Variants in UBE4B observed in about 807,000 individuals in gnomAD.
The protein encoded by UBE4B is ubiquitination factor E4B.
UBE4B carries 27 observed loss-of-function variants against 148.1 expected under a neutral mutation model. The ratio of observed to expected loss-of-function variants is 0.18; its 90% CI spans 0.13 to 0.25. UBE4B has a LOEUF of 0.25. UBE4B is among the 10% of genes least tolerant of loss of function. The pLI, the probability that UBE4B is intolerant of heterozygous loss-of-function variation, is 1.00. For missense variants in UBE4B, 1,170 were observed against 1,662.4 expected (o/e 0.70, Z 5.15); for synonymous variants, 596 against 619.3 (o/e 0.96, Z 0.56).
intron 1 of UBE4B, chr1:10,054,647 A>G (rs978815337): frequency 1.1e-4 from 29 of 259,406 alleles, no homozygotes; most frequent in South Asian, 1.1e-3. Context: ...GACTGTTGCC[A>G]TTGTTCATTT....
At chr1:10,131,287 G>T (rs1645588506) in intron 14 of UBE4B, among the ~76,000 whole-genome samples, 1 of 152,002 alleles carries the variant, frequency 6.6e-6, no homozygotes, top group African/African-American at 2.4e-5. Flanking sequence ...GAACAGCCTG[G>T]CCAACATGAC....
chr1:10,095,650 T>G, intron 3 of UBE4B, 54 bp downstream of exon 3: 1 of 1,607,662 alleles, frequency 6.2e-7, no homozygotes, highest in Non-Finnish European at 8.5e-7. Flanking sequence ...AAGAGAAAGA[T>G]CCATTCACTT....
intron 1 of UBE4B, among the ~76,000 whole-genome samples, chr1:10,062,411 T>C (rs991957215): frequency 2.0e-5 from 3 of 152,012 alleles, no homozygotes; most frequent in Non-Finnish European, 2.9e-5. Context: ...CTCCTGGGTT[T>C]AAGGGATTTT....
chr1:10,100,250 A>C (rs984914330), intron 3 of UBE4B, among the ~76,000 whole-genome samples: 1 of 152,256 alleles, frequency 6.6e-6, no homozygotes, highest in African/African-American at 2.4e-5. Flanking sequence ...CGGCCTCCCA[A>C]AGTGCTGGGA....
At chr1:10,050,047 G>A (rs866480281) in intron 1 of UBE4B, among the ~76,000 whole-genome samples, 1 of 152,118 alleles carries the variant, frequency 6.6e-6, no homozygotes, top group Non-Finnish European at 1.5e-5. Flanking sequence ...GGCAAATATG[G>A]GATATTGGTA....
chr1:10,040,011 G>C (rs753950716), intron 1 of UBE4B, among the ~76,000 whole-genome samples: 2 of 151,770 alleles, frequency 1.3e-5, no homozygotes, highest in Non-Finnish European at 2.9e-5. Flanking sequence ...GGAGGGGAGG[G>C]GAGGAGAGAT....
At chr1:10,129,333 T>C (rs1022955792) in intron 11 of UBE4B, 59 bp from the exon 12 acceptor site, 2 of 1,519,434 alleles carry the variant, frequency 1.3e-6, no homozygotes, top group Non-Finnish European at 1.8e-6. Flanking sequence ...TTCTTTATGC[T>C]ACAAATGACA....
Position 10,178,776 on chromosome 1 carries a change from C to G in UBE4B, c.3658C>G (p.Arg1220Gly). 2.5e-6 allele frequency: 4 copies of G among 1,613,380 alleles called. No individual in the cohort carries two copies. The highest frequency in any genetic ancestry group is 3.4e-6 in the Non-Finnish European group (4 of 1,179,822). The change falls in exon 26 of 28, where the codon CGC becomes GGC. Residue 1220 changes from arginine (R) to glycine (G), a missense_variant. Transcript: ENST00000343090. ...KVEEIVAKNA[R>G]AEIDYSDAPD... ...GGAGGAGATAGTGGCCAAGAACGCA[C>G]GCGCAGAAATCGACTACAGCGACGC...
At chr1:10,147,956 G>A (rs766168412) in intron 19 of UBE4B, among the ~76,000 whole-genome samples, 45 of 152,140 alleles carry the variant, frequency 3.0e-4, no homozygotes, top group Non-Finnish European at 4.6e-4. Flanking sequence ...GGCCGGGTGC[G>A]GTGGCTCACG....
At chr1:10,043,020 A>T (rs1365131028) in intron 1 of UBE4B, among the ~76,000 whole-genome samples, 159 of 144,678 alleles carry the variant, frequency 1.1e-3, no homozygotes, top group Non-Finnish European at 1.0e-3. Flanking sequence ...TTTTTTTTTT[A>T]ATTTTTTGAG....
intron 21 of UBE4B, among the ~76,000 whole-genome samples, chr1:10,154,887 G>C (rs1447275471): frequency 6.6e-6 from 1 of 151,562 alleles, no homozygotes; most frequent in African/African-American, 2.4e-5. Flanking sequence ...TACCAAAATA[G>C]TAACAGCGCA....
rs557336525 is a variant in UBE4B, at chr1:10,153,184, A to G, written c.2926+1623A>G. On this transcript the variant is annotated intron_variant, in intron 21 of 27. Coordinates refer to ENST00000343090, the MANE Select transcript of UBE4B (RefSeq NM_001105562.3). ...GCCAAAGGAAAGATTCTGCAGTGCC[A>G]GCCCCAGAATCACAAAGCCAACTAC... Among the ~76,000 whole-genome samples the G allele has an allele frequency of 5.7e-4, 87 of 152,138 alleles. 3 individuals are homozygous for G. Among genetic ancestry groups the G allele is most frequent in the African/African-American group, 2.0e-3 (81 of 41,504 alleles).
chr1:10,061,876 T>C (rs1644293015), intron 1 of UBE4B, among the ~76,000 whole-genome samples: 1 of 152,020 alleles, frequency 6.6e-6, no homozygotes, highest in Non-Finnish European at 1.5e-5. Context: ...GTGTGTAGTG[T>C]GTGCTGATCT....
chr1:10,039,446 T>C (rs556030535), intron 1 of UBE4B, among the ~76,000 whole-genome samples: 89 of 152,178 alleles, frequency 5.8e-4, no homozygotes, highest in South Asian at 2.1e-3. Flanking sequence ...TTGTTGTTTT[T>C]TGGGACAGAA....
rs745988061 is a variant in UBE4B, at chr1:10,067,620, C to CT, written c.25-4394dup. 2.1e-3 allele frequency among the ~76,000 whole-genome samples: 304 copies of CT among 143,440 alleles called. 1 individual carries two copies. The highest frequency in any genetic ancestry group is 7.2e-3 in the Middle Eastern group (2 of 278). 94.1% of individuals were successfully genotyped at this position (143,440 alleles called of 152,430 possible). A position where few individuals can be genotyped will look rare whatever the true frequency, so the allele number is the denominator to read the frequency against. ...TTAGTAGTCAAATTAATTAGATACA[C>CT]TTTTTTTTTTTTTTGAGACCCGGCT... On this transcript the variant is annotated intron_variant, in intron 1 of 27. Coordinates refer to ENST00000343090, the MANE Select transcript of UBE4B (RefSeq NM_001105562.3).
At chr1:10,049,075 A>T (rs1486339820) in intron 1 of UBE4B, among the ~76,000 whole-genome samples, 1 of 152,196 alleles carries the variant, frequency 6.6e-6, no homozygotes, top group Admixed American at 6.6e-5. Context: ...GAGACATAAT[A>T]TGGGGAACAT....
chr1:10,178,930 T>A, intron 26 of UBE4B, 112 bp downstream of exon 26: 1 of 1,149,320 alleles, frequency 8.7e-7, no homozygotes, highest in Non-Finnish European at 1.2e-6. Context: ...CTAGAGCTGC[T>A]TTTTGAGACA....
At chr1:10,134,914 A>G in intron 15 of UBE4B, 74 bp from the exon 16 acceptor site, 1 of 1,323,916 alleles carries the variant, frequency 7.6e-7, no homozygotes, top group Non-Finnish European at 1.1e-6. Flanking sequence ...CAGCCTGGGC[A>G]ACAGAGTGAG....
chr1:10,069,255 A>C (rs952154017), intron 1 of UBE4B, among the ~76,000 whole-genome samples: 53 of 152,228 alleles, frequency 3.5e-4, no homozygotes, highest in African/African-American at 1.3e-3. Context: ...AACGTCAACT[A>C]ATAAATTAGT....
Sources: allele counts gnomAD v4.1 joint callset (sites outside exome capture counted in the v4.1 genomes callset), GRCh38; gene constraint gnomAD v4.1.1; transcripts MANE v1.5; gene names NCBI Gene and HGNC (gene_info 2026-07-23, HGNC 2026-07-21).